The following MLKL variants were observed in gnomAD, a reference collection of about 807,000 sequenced individuals.
MLKL encodes mixed lineage kinase domain like pseudokinase, also known as mixed lineage kinase domain-like protein.
In MLKL, 55 loss-of-function variants were observed where a neutral mutation model predicts 56.5. That is an observed-to-expected ratio of 0.97 (90% CI 0.78 to 1.22). MLKL has a LOEUF of 1.22. Among genes scored for constraint, MLKL ranks in the 50% most tolerant of loss-of-function variants. The probability of loss-of-function intolerance (pLI) is 0.00; values close to 1 mark genes in which losing one functional copy is unlikely to be tolerated. For synonymous variants in MLKL, 251 were observed against 208.3 expected (o/e 1.20, Z -1.76); for missense variants, 694 against 573.9 (o/e 1.21, Z -2.14).
At chr16:74,681,216 G>A (rs906845588) in intron 6 of MLKL, among the ~76,000 whole-genome samples, 17 of 151,990 alleles carry the variant, frequency 1.1e-4, no homozygotes, top group African/African-American at 3.9e-4. Context: ...AGTAAAAACA[G>A]GGTTTCGCCA....
chr16:74,682,900 A>C, intron 5 of MLKL, 114 bp from the exon 6 acceptor site: 1 of 1,257,550 alleles, frequency 8.0e-7, no homozygotes, highest in Non-Finnish European at 1.1e-6. Context: ...GCTGAGTCCC[A>C]TTTCTCCCCC....
chr16:74,691,206 G>A (rs775748130), intron 4 of MLKL, 71 bp downstream of exon 4: 106 of 1,410,338 alleles, frequency 7.5e-5, no homozygotes, highest in Middle Eastern at 5.6e-4. Context: ...AAATGGAGAC[G>A]ATATCCCTCT....
At chr16:74,687,568 T>G (rs1481156653) in intron 4 of MLKL, among the ~76,000 whole-genome samples, 2 of 152,158 alleles carry the variant, frequency 1.3e-5, no homozygotes, top group African/African-American at 2.4e-5. Context: ...ATCACAAGGT[T>G]ACAGTAATGA....
intron 6 of MLKL, among the ~76,000 whole-genome samples, chr16:74,680,552 G>C (rs1014651302): frequency 2.6e-5 from 4 of 151,908 alleles, no homozygotes; most frequent in African/African-American, 9.7e-5. Context: ...TGTCGCCCAG[G>C]CTGGAGTGCA....
At chr16:74,686,256 C>G (rs1246500961) in intron 4 of MLKL, among the ~76,000 whole-genome samples, 1 of 151,898 alleles carries the variant, frequency 6.6e-6, no homozygotes, top group Non-Finnish European at 1.5e-5. Context: ...GTCACCGTGC[C>G]CAGCCCGTGG....
rs768719125 is a variant in MLKL at position 74,695,812 on chromosome 16, C to T, written c.-2-53G>A. 1.2e-5 allele frequency: 17 copies of T among 1,453,728 alleles called. No individual in the cohort carries two copies. In the African/African-American group the frequency reaches 2.0e-4, roughly 17 times the overall value. 90.1% of individuals were successfully genotyped at this position (1,453,728 alleles called of 1,614,324 possible). A position where few individuals can be genotyped will look rare whatever the true frequency, so the allele number is the denominator to read the frequency against. ...AATCCCCAAATCTCCTGCATATTCA[C>T]TACTTGGCTAAGAAAGAATCAAAGC... On this transcript the variant is annotated intron_variant, in intron 1 of 10. Transcript: ENST00000308807.
At chr16:74,679,708 A>G (rs1959819410) in intron 6 of MLKL, among the ~76,000 whole-genome samples, 1 of 152,156 alleles carries the variant, frequency 6.6e-6, no homozygotes, top group Non-Finnish European at 1.5e-5. Flanking sequence ...CCAGCTATTC[A>G]GGATGCTAAA....
At chr16:74,677,683 TC>T (rs1459575600) in intron 7 of MLKL, 11 of 152,280 alleles carry the variant, frequency 7.2e-5, no homozygotes, top group Non-Finnish European at 1.5e-4. Context: ...TTTTCTTTTT[TC>T]TTTTTTTTTG....
At chr16:74,687,928 C>CCAT (rs1660133650) in intron 4 of MLKL, among the ~76,000 whole-genome samples, 1 of 150,644 alleles carries the variant, frequency 6.6e-6, no homozygotes, top group African/African-American at 2.4e-5. Context: ...CAGGTTCACA[C>CCAT]CATTCTCCTG....
intron 2 of MLKL, among the ~76,000 whole-genome samples, chr16:74,693,759 T>A (rs1960839671): frequency 6.6e-6 from 1 of 151,606 alleles, no homozygotes; most frequent in Admixed American, 6.6e-5. Context: ...GCCCACCACC[T>A]CGCCCGTCTA....
intron 5 of MLKL, 108 bp downstream of exon 5, chr16:74,685,378 G>T (rs1039671325): frequency 5.1e-6 from 4 of 781,986 alleles, no homozygotes; most frequent in Non-Finnish European, 8.4e-6. Context: ...ATCACACTTT[G>T]TGGATTCCAC....
chr16:74,688,397 C>T (rs931530940), intron 4 of MLKL, among the ~76,000 whole-genome samples: 3 of 152,040 alleles, frequency 2.0e-5, no homozygotes, highest in Non-Finnish European at 2.9e-5. Flanking sequence ...ATATAAGAGC[C>T]AAAAACTATA....
intron 5 of MLKL, among the ~76,000 whole-genome samples, chr16:74,684,605 C>T (rs1236547186): frequency 6.6e-6 from 1 of 151,674 alleles, no homozygotes; most frequent in African/African-American, 2.4e-5. Flanking sequence ...AGCAATTCTC[C>T]TGCCTCAGCC....
rs1202161764 is a variant in MLKL at position 74,671,941 on chromosome 16, G to A, written c.*563C>T. On this transcript the variant is annotated 3_prime_UTR_variant, in exon 11 of 11. Transcript: ENST00000308807. ...GGGATCTGCTTGAGTGGTTCTTCTG[G>A]TCTTGATTGGCCTCATTCATGTGTT... 6.6e-6 allele frequency: 1 copy of A among 152,252 alleles called. No homozygotes were observed. Among genetic ancestry groups the A allele is most frequent in the African/African-American group, 2.4e-5 (1 of 41,428 alleles). 9.4% of individuals were successfully genotyped at this position (152,252 alleles called of 1,614,324 possible). A position where few individuals can be genotyped will look rare whatever the true frequency, so the allele number is the denominator to read the frequency against.
At position 74,691,404 on chromosome 16, in the gene MLKL, CCT is replaced by C; in HGVS notation, c.593_594del (p.Lys198ArgfsTer15). 1 of 1,613,952 alleles carries C rather than the reference CCT, an allele frequency of 6.2e-7. No homozygotes were observed. Among genetic ancestry groups the C allele is most frequent in the Non-Finnish European group, 8.5e-7 (1 of 1,179,972 alleles). On this transcript the variant is annotated frameshift_variant, in exon 4 of 11. Transcript: ENST00000308807. LOFTEE classifies it high-confidence loss of function. ...IPQEQIKEIK[K>X]EQLSGSPWIL... ...ATCCACGGGGATCCTGAAAGCTGCT[CCT>C]TCTTGATCTCCTTGATTTGCTCTTG...
chr16:74,673,433 G>GT (rs1158206036), intron 10 of MLKL, among the ~76,000 whole-genome samples: 2 of 152,088 alleles, frequency 1.3e-5, no homozygotes, highest in Non-Finnish European at 2.9e-5. Context: ...GGCCAGGCTG[G>GT]TGTTGAACTC....
intron 6 of MLKL, among the ~76,000 whole-genome samples, chr16:74,682,176 G>A (rs1307137495): frequency 1.3e-5 from 2 of 152,068 alleles, no homozygotes; most frequent in Non-Finnish European, 2.9e-5. Context: ...AATCCCTTCA[G>A]CTCGGGAGGT....
At chr16:74,683,979 G>T (rs1310396385) in intron 5 of MLKL, among the ~76,000 whole-genome samples, 1 of 151,960 alleles carries the variant, frequency 6.6e-6, no homozygotes, top group African/African-American at 2.4e-5. Context: ...ACAGAGTCTA[G>T]CTCTGTCACC....
intron 2 of MLKL, among the ~76,000 whole-genome samples, chr16:74,694,153 T>A (rs1167588114): frequency 6.6e-6 from 1 of 152,178 alleles, no homozygotes; most frequent in East Asian, 1.9e-4. Flanking sequence ...GCTGACTGTG[T>A]GACAACAACA....
Sources: allele counts gnomAD v4.1 joint callset (sites outside exome capture counted in the v4.1 genomes callset), GRCh38; gene constraint gnomAD v4.1.1; transcripts MANE v1.5; gene names NCBI Gene and HGNC (gene_info 2026-07-23, HGNC 2026-07-21).